PKIB: variants seen among roughly 807,000 people sequenced by gnomAD.
The protein encoded by PKIB is cAMP-dependent protein kinase inhibitor beta, also known as PKI-beta.
A neutral mutation model predicts 4.5 loss-of-function variants in PKIB; 2 were observed. The ratio of observed to expected loss-of-function variants is 0.44; its 90% CI spans 0.18 to 1.39. PKIB has a LOEUF of 1.39. Ranked by LOEUF, PKIB falls within the 40% of genes most tolerant of loss-of-function variation. The pLI is 0.27. For missense variants in PKIB, 94 were observed against 92.6 expected (o/e 1.02, Z -0.06); for synonymous variants, 38 against 36.0 (o/e 1.06, Z -0.20).
intron 2 of PKIB, among the ~76,000 whole-genome samples, chr6:122,541,877 C>T (rs547826528): frequency 5.2e-4 from 79 of 151,938 alleles, no homozygotes; most frequent in Admixed American, 1.8e-3. Flanking sequence ...AGGCTTTGTT[C>T]GTTTCTTTTT....
chr6:122,528,854 G>A (rs1777172675), intron 2 of PKIB, among the ~76,000 whole-genome samples: 1 of 152,094 alleles, frequency 6.6e-6, no homozygotes, highest in Non-Finnish European at 1.5e-5. Context: ...TAACCTGGGT[G>A]ACAGAGTAAG....
At chr6:122,617,387 G>C (rs1448949117) in intron 1 of PKIB, among the ~76,000 whole-genome samples, 3 of 152,122 alleles carry the variant, frequency 2.0e-5, no homozygotes, top group Non-Finnish European at 2.9e-5. Context: ...TCCCTGAGAT[G>C]CTTGTGGACT....
intron 3 of PKIB, among the ~76,000 whole-genome samples, chr6:122,697,327 A>G (rs1778616692): frequency 6.6e-6 from 1 of 152,058 alleles, no homozygotes; most frequent in Non-Finnish European, 1.5e-5. Flanking sequence ...TTTATCAGAT[A>G]TCAAGCCTAA....
At chr6:122,474,488 T>G (rs1413249681) in intron 1 of PKIB, among the ~76,000 whole-genome samples, 1 of 152,254 alleles carries the variant, frequency 6.6e-6, no homozygotes, top group East Asian at 1.9e-4. Flanking sequence ...CTTCATAGCC[T>G]TCTGGCAGCC....
At position 122,642,501 on chromosome 6, in the gene PKIB, T is replaced by C. The variant is rs192540070; in HGVS notation, c.-76+9134T>C. Reference sequence around the variant, plus strand: ...TTCACAATGGCTGGTAAGAGTATAGTTTTAATCTATCATTGTTTCCTTATG... The same window carrying C: ...TTCACAATGGCTGGTAAGAGTATAGCTTTAATCTATCATTGTTTCCTTATG... On this transcript the variant is annotated intron_variant, in intron 2 of 4. Coordinates refer to ENST00000368452, the MANE Select transcript of PKIB (RefSeq NM_181795.3). Among the ~76,000 whole-genome samples, 235 of 152,324 alleles carry C rather than the reference T, an allele frequency of 1.5e-3. 1 individual carries two copies. Among genetic ancestry groups the C allele is most frequent in the African/African-American group, 5.4e-3 (224 of 41,570 alleles).
intron 3 of PKIB, among the ~76,000 whole-genome samples, chr6:122,706,771 C>A (rs150184562): frequency 1.5e-3 from 227 of 152,128 alleles, no homozygotes; most frequent in African/African-American, 5.3e-3. Context: ...TTTTTCATAT[C>A]ATAAAAATCT....
intron 2 of PKIB, among the ~76,000 whole-genome samples, chr6:122,491,001 A>G (rs1178159315): frequency 2.6e-5 from 4 of 152,156 alleles, no homozygotes; most frequent in Admixed American, 6.5e-5. Context: ...TCCTCAGAAG[A>G]AAAAATTTGA....
chr6:122,484,856 G>A (rs1298050422), intron 2 of PKIB, among the ~76,000 whole-genome samples: 1 of 152,160 alleles, frequency 6.6e-6, no homozygotes, highest in Non-Finnish European at 1.5e-5. Context: ...AGCCTGACTT[G>A]ATAGGTAGAC....
At chr6:122,520,665 A>ACCCAC (rs536170443) in intron 2 of PKIB, among the ~76,000 whole-genome samples, 8 of 107,988 alleles carry the variant, frequency 7.4e-5, no homozygotes, top group African/African-American at 2.9e-4. Context: ...TTATGTTCCC[A>ACCCAC]CCCCCCCCCC....
Position 122,567,942 on chromosome 6 carries a change from C to T in PKIB, c.-247-17979C>T, listed in dbSNP as rs569617244. On this transcript the variant is annotated intron_variant, in intron 2 of 6. Coordinates refer to the PKIB transcript ENST00000392491. Reference sequence around the variant, plus strand: ...TGTTTTACTGTTTAAAGTTGCATTACAGTTCTGTATAGCTATATCACTCTA... The same window carrying T: ...TGTTTTACTGTTTAAAGTTGCATTATAGTTCTGTATAGCTATATCACTCTA... Among the ~76,000 whole-genome samples, 11 of 152,260 alleles carry T rather than the reference C, an allele frequency of 7.2e-5. No individual in the cohort carries two copies. The South Asian group carries it at 2.1e-3, about 29-fold the overall frequency.
In PKIB at chr6:122,668,609, G is replaced by A. The variant is rs1185274793; in HGVS notation, c.-75-6469G>A. On this transcript the variant is annotated intron_variant, in intron 2 of 4. Coordinates refer to ENST00000368452, the MANE Select transcript of PKIB (RefSeq NM_181795.3). ...GTGGAATACAAAACAGAAATCTTCG[G>A]TCTGACTTCTCCCTAAAAAATGTCC... Among the ~76,000 whole-genome samples the A allele has an allele frequency of 3.9e-5, 6 of 152,270 alleles. No homozygotes were observed. In the East Asian group the frequency reaches 1.2e-3, roughly 29 times the overall value.
intron 2 of PKIB, among the ~76,000 whole-genome samples, chr6:122,667,279 C>A (rs760245710): frequency 2.0e-5 from 3 of 152,194 alleles, no homozygotes; most frequent in Non-Finnish European, 4.4e-5. Context: ...TGTAAGTCGG[C>A]CAGGCGCCGT....
chr6:122,549,618 T>C (rs1031719698), intron 2 of PKIB, among the ~76,000 whole-genome samples: 1 of 152,072 alleles, frequency 6.6e-6, no homozygotes, highest in African/African-American at 2.4e-5. Context: ...TTTTGACTAA[T>C]ATATTCTCTT....
intron 2 of PKIB, among the ~76,000 whole-genome samples, chr6:122,667,405 C>T (rs1204053416): frequency 6.6e-6 from 1 of 151,980 alleles, no homozygotes. Flanking sequence ...GGCGTGGTGG[C>T]GGGCGCCTGT....
At chr6:122,520,069 G>C (rs1030894327) in intron 2 of PKIB, among the ~76,000 whole-genome samples, 1 of 152,128 alleles carries the variant, frequency 6.6e-6, no homozygotes. Flanking sequence ...TTGAGACTGA[G>C]TTCAGGCATC....
intron 2 of PKIB, among the ~76,000 whole-genome samples, chr6:122,538,590 T>C (rs1449309026): frequency 6.6e-6 from 1 of 152,092 alleles, no homozygotes; most frequent in Non-Finnish European, 1.5e-5. Flanking sequence ...AGCCTTGTAG[T>C]ATAGTTTGAA....
At chr6:122,569,050 TC>T (rs1319310255) in intron 2 of PKIB, among the ~76,000 whole-genome samples, 2 of 152,050 alleles carry the variant, frequency 1.3e-5, no homozygotes, top group Non-Finnish European at 1.5e-5. Flanking sequence ...GCAGTTATAC[TC>T]CCCTCTGGAA....
chr6:122,570,167 A>T (rs992147681), intron 2 of PKIB, among the ~76,000 whole-genome samples: 2 of 152,214 alleles, frequency 1.3e-5, no homozygotes, highest in African/African-American at 4.8e-5. Flanking sequence ...TACAGATGAA[A>T]AGAGGAGCCT....
At chr6:122,524,899 C>T (rs1288411680) in intron 2 of PKIB, among the ~76,000 whole-genome samples, 2 of 150,748 alleles carry the variant, frequency 1.3e-5, no homozygotes, top group African/African-American at 2.4e-5. Context: ...TTTTTTTGAT[C>T]TTTTGTAAAA....
Sources: gnomAD v4.1 joint callset for allele counts (sites outside exome capture counted in the v4.1 genomes callset) on GRCh38, gnomAD v4.1.1 for gene constraint, MANE v1.5 for transcripts, NCBI Gene and HGNC (gene_info 2026-07-23, HGNC 2026-07-21) for gene names.